The following NTN1 variants were observed in gnomAD, a reference collection of about 807,000 sequenced individuals.
The protein encoded by NTN1 is netrin 1, also known as netrin-1.
In NTN1, 11 loss-of-function variants were observed where a neutral mutation model predicts 54.2. That is an observed-to-expected ratio of 0.20 (90% CI 0.13 to 0.34). The LOEUF is 0.34. Among genes scored for constraint, NTN1 ranks in the 10% least tolerant of loss-of-function variants. The probability of loss-of-function intolerance (pLI) is 1.00; values close to 1 mark genes in which losing one functional copy is unlikely to be tolerated. For synonymous variants in NTN1, 371 were observed against 382.0 expected, an observed-to-expected ratio of 0.97 and a Z score of 0.33; for missense variants, 740 against 893.1, an observed-to-expected ratio of 0.83 and a Z score of 2.18.
the NTN1 span, among the ~76,000 whole-genome samples, chr17:9,004,573 C>T: frequency 3.9e-5 from 6 of 152,224 alleles, no homozygotes; most frequent in Admixed American, 3.9e-4. Flanking sequence ...GCGGCACCCC[C>T]AGCCCACTGG....
chr17:9,227,618 CACAGACTA>C (rs1905630263), intron 6 of NTN1, among the ~76,000 whole-genome samples: 1 of 8,044 alleles, frequency 1.2e-4, no homozygotes, highest in African/African-American at 6.6e-4. Context: ...ACATCAGATA[CACAGACTA>C]TCACGCACAC....
chr17:9,175,983 T>C (rs193267730), intron 3 of NTN1: 14 of 152,332 alleles, frequency 9.2e-5, no homozygotes, highest in African/African-American at 3.4e-4. Context: ...TCCAGGGACA[T>C]GGGAGCCACC....
At chr17:9,234,759 A>G (rs1471370334) in intron 6 of NTN1, among the ~76,000 whole-genome samples, 1 of 152,164 alleles carries the variant, frequency 6.6e-6, no homozygotes, top group African/African-American at 2.4e-5. Flanking sequence ...GCCGTTGAGC[A>G]CTTATGATAA....
At chr17:9,115,815 C>T (rs111691103) in intron 2 of NTN1, among the ~76,000 whole-genome samples, 13 of 152,326 alleles carry the variant, frequency 8.5e-5, no homozygotes, top group African/African-American at 1.9e-4. Flanking sequence ...GCCGGCCGTG[C>T]GCGGTGGAGG....
At chr17:9,217,687 G>A (rs1364020150) in intron 5 of NTN1, among the ~76,000 whole-genome samples, 1 of 152,038 alleles carries the variant, frequency 6.6e-6, no homozygotes, top group Non-Finnish European at 1.5e-5. Context: ...CTTTACCTAA[G>A]GGAGAACATT....
chr17:9,125,588 G>A (rs2092244691), intron 2 of NTN1, among the ~76,000 whole-genome samples: 1 of 151,748 alleles, frequency 6.6e-6, no homozygotes. Flanking sequence ...TGCCCAGTCT[G>A]GAACCTATTT....
chr17:9,141,002 G>A (rs1597503280), intron 2 of NTN1, among the ~76,000 whole-genome samples: 1 of 152,268 alleles, frequency 6.6e-6, no homozygotes, highest in South Asian at 2.1e-4. Flanking sequence ...TGCACGTGTG[G>A]GTAGATGAAA....
chr17:9,024,613 C>T (rs1054716297), intron 2 of NTN1, among the ~76,000 whole-genome samples: 1 of 152,168 alleles, frequency 6.6e-6, no homozygotes, highest in Non-Finnish European at 1.5e-5. Flanking sequence ...GTTTGTGCCT[C>T]ATGACTGTGG....
intron 5 of NTN1, among the ~76,000 whole-genome samples, chr17:9,191,775 CCCAGCACT>C (rs1366435364): frequency 2.0e-5 from 3 of 151,182 alleles, no homozygotes; most frequent in East Asian, 3.9e-4. Context: ...TGCCTGTGAT[CCCAGCACT>C]TTGGGAGGCC....
rs2092201318 is a variant in NTN1 at position 9,114,113 on chromosome 17, G to A, written c.1019-48700G>A. The stretch of plus-strand genomic sequence containing the variant: ...GGAGGCGGAGGTTGCAGTGAGCTGA[G>A]ATCACGCCACTGCACTCTAGCCTGG... On this transcript the variant is annotated intron_variant, in intron 2 of 6. Coordinates refer to ENST00000173229, the MANE Select transcript of NTN1 (RefSeq NM_004822.3). 3.9e-5 allele frequency among the ~76,000 whole-genome samples: 5 copies of A among 128,996 alleles called. 1 individual carries two copies. In the Admixed American group the frequency reaches 4.2e-4, roughly 11 times the overall value. 84.6% of individuals were successfully genotyped at this position (128,996 alleles called of 152,430 possible). A position where few individuals can be genotyped will look rare whatever the true frequency, so the allele number is the denominator to read the frequency against.
At chr17:9,172,613 C>T (rs1452760968) in intron 3 of NTN1, among the ~76,000 whole-genome samples, 2 of 152,178 alleles carry the variant, frequency 1.3e-5, no homozygotes, top group Non-Finnish European at 2.9e-5. Context: ...AAACAAACAA[C>T]CCAATTAAAC....
At chr17:9,063,841 A>ATT (rs55928913) in intron 2 of NTN1, among the ~76,000 whole-genome samples, 9,370 of 150,402 alleles carry the variant, frequency 0.062, 476 homozygotes, top group East Asian at 0.21. Context: ...AGCCCCAAAG[A>ATT]TTTTTTTTTT....
At position 9,121,517 on chromosome 17, in the gene NTN1, G is replaced by A. The variant is rs983561399; in HGVS notation, c.1019-41296G>A. Reference sequence around the variant, plus strand: ...GACCTCTTGGCAGTTCTGTGCATACGTAGGATTATTGTTATTCTGGCACTG... The same window carrying A: ...GACCTCTTGGCAGTTCTGTGCATACATAGGATTATTGTTATTCTGGCACTG... On this transcript the variant is annotated intron_variant, in intron 2 of 6. Coordinates refer to ENST00000173229, the MANE Select transcript of NTN1 (RefSeq NM_004822.3). 2.6e-5 allele frequency among the ~76,000 whole-genome samples: 4 copies of A among 152,224 alleles called. No individual in the cohort carries two copies. The East Asian group carries it at 5.8e-4, about 22-fold the overall frequency.
Position 9,242,534 on chromosome 17 carries a change from G to A in NTN1, c.*2566G>A, listed in dbSNP as rs536560527. The A allele has an allele frequency of 1.3e-5, 2 of 152,386 alleles. No individual in the cohort carries two copies. The highest frequency in any genetic ancestry group is 1.3e-4 in the Admixed American group (2 of 15,306). 9.4% of individuals were successfully genotyped at this position (152,386 alleles called of 1,614,324 possible). On this transcript the variant is annotated 3_prime_UTR_variant, in exon 7 of 7. Transcript: ENST00000173229. Reference sequence around the variant, plus strand: ...GGGGCTTGCATTTGTGGTGGTCTCTGAGGCCACCTCAGCAACGGAGCTGGC... The same window carrying A: ...GGGGCTTGCATTTGTGGTGGTCTCTAAGGCCACCTCAGCAACGGAGCTGGC...
chr17:9,140,602 G>T (rs1036532827), intron 2 of NTN1, among the ~76,000 whole-genome samples: 1 of 152,086 alleles, frequency 6.6e-6, no homozygotes, highest in Non-Finnish European at 1.5e-5. Context: ...TAAAGGCAGG[G>T]CTTCCCCCAT....
intron 5 of NTN1, among the ~76,000 whole-genome samples, chr17:9,202,758 C>T (rs896156453): frequency 5.3e-5 from 8 of 152,204 alleles, no homozygotes; most frequent in African/African-American, 1.4e-4. Context: ...CATAATTTTA[C>T]TTTTCAGGAT....
intron 6 of NTN1, among the ~76,000 whole-genome samples, chr17:9,234,964 G>GCTT (rs1555580090): frequency 7.7e-6 from 1 of 130,072 alleles, no homozygotes; most frequent in Non-Finnish European, 1.6e-5. Context: ...TTGTTTTTTG[G>GCTT]TTTTTTTTTT....
intron 5 of NTN1, among the ~76,000 whole-genome samples, chr17:9,191,948 G>A (rs887100811): frequency 4.6e-5 from 7 of 150,554 alleles, no homozygotes; most frequent in South Asian, 2.1e-4. Flanking sequence ...GCACGGCAGC[G>A]TGGGTGACAG....
At chr17:9,004,861 G>T in the NTN1 span, among the ~76,000 whole-genome samples, 1 of 152,374 alleles carries the variant, frequency 6.6e-6, no homozygotes, top group South Asian at 2.1e-4. Flanking sequence ...TTGAGAGGCA[G>T]AACTGACACA....
Sources: gnomAD v4.1 joint callset for allele counts (sites outside exome capture counted in the v4.1 genomes callset) on GRCh38, gnomAD v4.1.1 for gene constraint, MANE v1.5 for transcripts, NCBI Gene and HGNC (gene_info 2026-07-23, HGNC 2026-07-21) for gene names.